TET3: variants seen among roughly 807,000 people sequenced by gnomAD.
The protein encoded by TET3 is methylcytosine dioxygenase TET3.
Under a neutral mutation model 141.4 loss-of-function variants are expected in TET3, and 19 were observed. The observed-to-expected ratio is 0.13, with a 90% CI of 0.09 to 0.20. The LOEUF (loss-of-function observed/expected upper bound fraction) is 0.20. Among genes scored for constraint, TET3 ranks in the 10% least tolerant of loss-of-function variants. The probability of loss-of-function intolerance (pLI) is 1.00; values close to 1 mark genes in which losing one functional copy is unlikely to be tolerated. For synonymous variants in TET3, 1,043 were observed against 980.9 expected, an observed-to-expected ratio of 1.06 and a Z score of -1.18; for missense variants, 1,874 against 2,356.9, an observed-to-expected ratio of 0.80 and a Z score of 4.24.
rs1305835007 is a variant in TET3, at chr2:74,092,999, G to C, written c.3129+8G>C. ...CAGGCCTATCAGAACCAGGTAACGG[G>C]CCCTGGGCCTTTTGCTGCCCACATG... On this transcript the variant is annotated splice_region_variant and intron_variant, in intron 9 of 11. Coordinates refer to ENST00000409262, the MANE Select transcript of TET3 (RefSeq NM_001287491.2). 1.3e-6 allele frequency: 2 copies of C among 1,561,236 alleles called. No homozygotes were observed. Among genetic ancestry groups the C allele is most frequent in the Non-Finnish European group, 1.7e-6 (2 of 1,152,612 alleles).
At chr2:74,118,832 A>G in the TET3 span, among the ~76,000 whole-genome samples, 22 of 152,210 alleles carry the variant, frequency 1.4e-4, no homozygotes, top group Non-Finnish European at 1.5e-5. Flanking sequence ...ATTCTCCTTC[A>G]TAACTACATA....
intron 4 of TET3, among the ~76,000 whole-genome samples, chr2:74,064,551 G>T (rs1339462210): frequency 1.3e-5 from 2 of 152,050 alleles, no homozygotes; most frequent in Non-Finnish European, 2.9e-5. Flanking sequence ...AGGCGTGCGT[G>T]CCACCACGCC....
downstream of TET3, among the ~76,000 whole-genome samples, chr2:74,112,621 T>C (rs576141304): frequency 3.3e-5 from 5 of 152,290 alleles, no homozygotes; most frequent in South Asian, 6.2e-4. Flanking sequence ...AAAACAAATA[T>C]TAAGAACTCA....
the TET3 span, among the ~76,000 whole-genome samples, chr2:74,124,243 C>T: frequency 1.8e-3 from 270 of 150,776 alleles, no homozygotes; most frequent in Non-Finnish European, 3.0e-3. Context: ...CCCAGCCAGC[C>T]GCCCCGTCCG....
chr2:73,995,002 C>T (rs1387767464), intron 2 of TET3, among the ~76,000 whole-genome samples: 2 of 151,946 alleles, frequency 1.3e-5, no homozygotes, highest in African/African-American at 4.8e-5. Flanking sequence ...GCTCTGTTGC[C>T]CAGGCTGGAG....
At chr2:74,004,738 C>G (rs1685062856) in intron 3 of TET3, among the ~76,000 whole-genome samples, 2 of 152,122 alleles carry the variant, frequency 1.3e-5, no homozygotes, top group Non-Finnish European at 2.9e-5. Context: ...GCTGAGCTCA[C>G]CTCAAGTTGG....
At chr2:74,118,761 G>C in the TET3 span, among the ~76,000 whole-genome samples, 2 of 152,066 alleles carry the variant, frequency 1.3e-5, no homozygotes, top group African/African-American at 4.8e-5. Flanking sequence ...TTGGGAATTT[G>C]TTGCAGACAT....
At chr2:74,048,443 A>C (rs754727306) in intron 4 of TET3, 32 bp downstream of exon 4, 17 of 1,569,758 alleles carry the variant, frequency 1.1e-5, no homozygotes, top group Non-Finnish European at 1.5e-5. Context: ...GGAAGGGCAG[A>C]GAAAGGGCTG....
In TET3 at chr2:74,047,366, C is replaced by T; in HGVS notation, c.1449C>T (p.Ala483=). The change falls in exon 4 of 12, where the codon GCC becomes GCT. Residue 483 remains alanine (A), a synonymous_variant. Transcript: ENST00000409262. ...YIQSVFKRPE[A]LPTKPKVKVE... is the part of the protein sequence containing the mutation. Reference sequence around the variant, plus strand: ...AGTCAGTATTCAAGCGGCCTGAGGCCCTGCCTACCAAGCCCAAGGTCAAGG... The same window carrying T: ...AGTCAGTATTCAAGCGGCCTGAGGCTCTGCCTACCAAGCCCAAGGTCAAGG... The T allele has an allele frequency of 1.9e-6, 3 of 1,613,948 alleles. No homozygotes were observed. Among genetic ancestry groups the T allele is most frequent in the Non-Finnish European group, 2.5e-6 (3 of 1,179,900 alleles).
intron 4 of TET3, among the ~76,000 whole-genome samples, chr2:74,060,993 C>T (rs997302449): frequency 3.9e-5 from 6 of 152,206 alleles, no homozygotes; most frequent in Non-Finnish European, 7.4e-5. Flanking sequence ...ACAAAACCGC[C>T]ACTGTCATCA....
rs551067384 is a variant in TET3, at chr2:74,047,295, A to G, written c.1378A>G (p.Met460Val). Residue 460 changes from methionine to valine, a missense_variant, in exon 4 of 12, where the codon ATG (methionine) becomes GTG (valine). Coordinates refer to ENST00000409262, the MANE Select transcript of TET3 (RefSeq NM_001287491.2). ...WPMPRPSPDP[M>V]AELEQLLGSA... ...CATGCCTCGCCCAAGCCCCGATCCCATGGCTGAACTGGAGCAGTTGTTGGG... is the reference window on the plus strand; with the variant it reads ...CATGCCTCGCCCAAGCCCCGATCCCGTGGCTGAACTGGAGCAGTTGTTGGG... 1.3e-5 allele frequency: 21 copies of G among 1,613,874 alleles called. No individual in the cohort carries two copies. Among genetic ancestry groups the G allele is most frequent in the Non-Finnish European group, 1.7e-5 (20 of 1,179,868 alleles).
At chr2:74,098,175 C>T (rs561173081) in intron 10 of TET3, among the ~76,000 whole-genome samples, 60 of 152,192 alleles carry the variant, frequency 3.9e-4, no homozygotes, top group Non-Finnish European at 7.8e-4. Context: ...TGTGGCAGTT[C>T]TACTTAACAT....
the TET3 span, among the ~76,000 whole-genome samples, chr2:74,129,737 A>T: frequency 5.3e-5 from 8 of 151,964 alleles, no homozygotes; most frequent in African/African-American, 1.9e-4. Flanking sequence ...TTTTGTTTTT[A>T]TATCTTCCAG....
At chr2:74,058,939 C>T (rs1330104989) in intron 4 of TET3, among the ~76,000 whole-genome samples, 1 of 152,176 alleles carries the variant, frequency 6.6e-6, no homozygotes, top group Non-Finnish European at 1.5e-5. Flanking sequence ...TTTATGAAAA[C>T]ATGACCAGGC....
the TET3 span, among the ~76,000 whole-genome samples, chr2:74,113,708 AAAAAT>A: frequency 6.6e-6 from 1 of 152,186 alleles, no homozygotes; most frequent in Non-Finnish European, 1.5e-5. Flanking sequence ...GTAGCTACCA[AAAAAT>A]AAAATAAAAT....
chr2:74,079,642 G>A (rs1205758696), intron 5 of TET3, among the ~76,000 whole-genome samples: 2 of 152,186 alleles, frequency 1.3e-5, no homozygotes, highest in African/African-American at 4.8e-5. Context: ...AGGAGGTGGG[G>A]ATCATTTTAA....
At chr2:74,056,052 A>C (rs775468821) in intron 4 of TET3, among the ~76,000 whole-genome samples, 1 of 152,260 alleles carries the variant, frequency 6.6e-6, no homozygotes, top group African/African-American at 2.4e-5. Context: ...GCAATTATAT[A>C]GGATTGTTTG....
Position 74,003,249 on chromosome 2 carries a change from TCTC to T in TET3, c.360+87_360+89del, listed in dbSNP as rs1430280267. ...GACCGGATTGGATAAAAATAAAGGG[TCTC>T]CTCTGGTGATCCCTTAATCTCCCAC... On this transcript the variant is annotated intron_variant, in intron 3 of 11. Coordinates refer to ENST00000409262, the MANE Select transcript of TET3 (RefSeq NM_001287491.2). The T allele has an allele frequency of 2.0e-5, 30 of 1,513,398 alleles. No individual in the cohort carries two copies. In the East Asian group the frequency reaches 7.2e-4, roughly 36 times the overall value. 93.7% of individuals were successfully genotyped at this position (1,513,398 alleles called of 1,614,324 possible).
chr2:74,041,276 C>G (rs1687324336), intron 3 of TET3, among the ~76,000 whole-genome samples: 1 of 152,172 alleles, frequency 6.6e-6, no homozygotes, highest in African/African-American at 2.4e-5. Flanking sequence ...ATTCTTTTCC[C>G]AAACAGTAGG....
Sources: gnomAD v4.1 joint callset for allele counts (sites outside exome capture counted in the v4.1 genomes callset) on GRCh38, gnomAD v4.1.1 for gene constraint, MANE v1.5 for transcripts, NCBI Gene and HGNC (gene_info 2026-07-23, HGNC 2026-07-21) for gene names.